The following NIN variants were observed in gnomAD, a reference collection of about 807,000 sequenced individuals.
NIN encodes the protein ninein, also known as glycogen synthase kinase 3 beta-interacting protein.
Under a neutral mutation model 257.6 loss-of-function variants are expected in NIN, and 137 were observed. The ratio of observed to expected loss-of-function variants is 0.53; its 90% confidence interval spans 0.46 to 0.61. The LOEUF is 0.61. Ranked by LOEUF, NIN falls within the 20% of genes least tolerant of loss-of-function variation. The pLI, the probability that NIN is intolerant of heterozygous loss-of-function variation, is 0.00. For synonymous variants in NIN, 918 were observed against 919.8 expected (o/e 1.00, Z 0.04); for missense variants, 2,439 against 2,501.2 (o/e 0.98, Z 0.53).
chr14:50,828,539 G>T (rs1416001072), intron 2 of NIN, among the ~76,000 whole-genome samples: 1 of 152,182 alleles, frequency 6.6e-6, no homozygotes, highest in African/African-American at 2.4e-5. Flanking sequence ...ATAATTTATT[G>T]GCTTACAAAT....
At chr14:50,810,816 A>G (rs1183175397) in intron 3 of NIN, among the ~76,000 whole-genome samples, 2 of 151,760 alleles carry the variant, frequency 1.3e-5, no homozygotes, top group South Asian at 4.2e-4. Flanking sequence ...GCCCACCACC[A>G]TGCCTGGCTA....
intron 28 of NIN, chr14:50,731,039 G>C (rs1230199070): frequency 3.6e-6 from 3 of 830,292 alleles, no homozygotes; most frequent in Admixed American, 4.6e-5. Flanking sequence ...ACAGGAGTTA[G>C]AGAAAAGTAT....
At chr14:50,777,366 G>A (rs936874741) in intron 6 of NIN, among the ~76,000 whole-genome samples, 6 of 152,172 alleles carry the variant, frequency 3.9e-5, no homozygotes, top group African/African-American at 1.4e-4. Context: ...TCATACCGGT[G>A]TAATAAATAT....
At chr14:50,830,111 G>T (rs146095893) in intron 2 of NIN, among the ~76,000 whole-genome samples, 2 of 152,186 alleles carry the variant, frequency 1.3e-5, no homozygotes, top group African/African-American at 4.8e-5. Flanking sequence ...ATTTCCCCAT[G>T]CAGTTTCCTC....
intron 5 of NIN, among the ~76,000 whole-genome samples, chr14:50,784,852 C>G (rs2043276271): frequency 6.6e-6 from 1 of 152,212 alleles, no homozygotes; most frequent in South Asian, 2.1e-4. Context: ...GGGGCCCCTC[C>G]CTGCAGACAG....
chr14:50,778,673 G>A (rs577973971), intron 6 of NIN, 92 bp downstream of exon 6: 3 of 1,075,510 alleles, frequency 2.8e-6, no homozygotes, highest in African/African-American at 3.1e-5. Flanking sequence ...TAATTCCCCT[G>A]GCCTGCAGCA....
intron 28 of NIN, among the ~76,000 whole-genome samples, chr14:50,734,133 A>G (rs1273814883): frequency 6.7e-6 from 1 of 148,420 alleles, no homozygotes. Context: ...ATTGTTGCCC[A>G]GGCTGGAGTG....
Position 50,757,134 on chromosome 14 carries a change from T to C in NIN, c.3896A>G (p.Glu1299Gly), listed in dbSNP as rs2042063528. The C allele has an allele frequency of 6.2e-7, 1 of 1,612,136 alleles. No homozygotes were observed. The highest frequency in any genetic ancestry group is 1.7e-5 in the Admixed American group (1 of 59,506). Residue 1299 changes from glutamate to glycine, a missense_variant, in exon 18 of 31, where the codon GAA becomes GGA. Coordinates refer to ENST00000530997, the MANE Select transcript of NIN (RefSeq NM_020921.4). Reference sequence around the variant, plus strand: ...CAGGCTGAGGAATGTTTCAGTGACTTCCTCCATTTTCTTCAGCTCATCCTG... The same window carrying C: ...CAGGCTGAGGAATGTTTCAGTGACTCCCTCCATTTTCTTCAGCTCATCCTG... ...RLQDELKKME[E>G]VTETFLSLEK...
At chr14:50,756,157 TA>T (rs34167631) in intron 18 of NIN, among the ~76,000 whole-genome samples, 25 of 147,630 alleles carry the variant, frequency 1.7e-4, no homozygotes, top group East Asian at 1.6e-3. Context: ...CTTAGCAAAA[TA>T]AAAAAAAAAA....
At position 50,726,048 on chromosome 14, in the gene NIN, C is replaced by A. The variant is rs1048847270; in HGVS notation, c.6097G>T (p.Val2033Leu). 15 of 1,612,846 alleles carry A rather than the reference C, an allele frequency of 9.3e-6. No homozygotes were observed. The Admixed American group carries it at 1.8e-4, about 20-fold the overall frequency. Residue 2033 changes from valine to leucine, a missense_variant, in exon 30 of 31, where the codon GTA becomes TTA. Transcript: ENST00000530997. ...ATCATTCGTTCCTCCATGACAGTTA[C>A]CAGTTGTTCCTGGTTTCCCTGAAGG... ...NTPQGNQEQL[V>L]TVMEERMIEV...
chr14:50,757,695 G>C lies in NIN; in HGVS notation c.3335C>G (p.Ala1112Gly), dbSNP rs755736906. The C allele has an allele frequency of 6.2e-7, 1 of 1,614,024 alleles. No individual in the cohort carries two copies. The highest frequency in any genetic ancestry group is 1.3e-5 in the African/African-American group (1 of 74,922). The change falls in exon 18 of 31, where the codon GCT (alanine) becomes GGT (glycine). Residue 1112 changes from alanine (A) to glycine (G), a missense_variant. Around this residue, in one of 3 missense-constraint regions of NIN, gnomAD observed 2,043 missense variants for 2,050.2 expected, o/e 1.00. Transcript: ENST00000530997. ...LVMSSCLDEP[A>G]TEFFGNTAEQ... ...CGCAGTATTTCCAAAAAACTCAGTA[G>C]CTGGCTCATCCAAACAAGAAGACAT...
chr14:50,739,536 T>C (rs575966486), intron 25 of NIN, 49 bp from the exon 26 acceptor site: 44 of 1,570,736 alleles, frequency 2.8e-5, no homozygotes, highest in Admixed American at 7.2e-5. Context: ...TATTGGGTAA[T>C]TGCTGTTTTG....
At chr14:50,728,334 T>C (rs142589336) in intron 29 of NIN, among the ~76,000 whole-genome samples, 2 of 152,308 alleles carry the variant, frequency 1.3e-5, no homozygotes, top group East Asian at 1.9e-4. Context: ...TGAAGAGGTA[T>C]GTATAAAGCT....
chr14:50,770,338 C>T (rs1282202459), intron 12 of NIN, 50 bp downstream of exon 12: 9 of 1,560,966 alleles, frequency 5.8e-6, no homozygotes, highest in Admixed American at 3.6e-5. Context: ...TAGTTTTCCA[C>T]GTGGTGTTCC....
intron 12 of NIN, among the ~76,000 whole-genome samples, chr14:50,769,416 C>G (rs763220974): frequency 4.3e-4 from 65 of 152,110 alleles, no homozygotes; most frequent in Non-Finnish European, 3.1e-4. Context: ...AGGCAAGGCA[C>G]ATTTGGAGGC....
chr14:50,802,486 G>A (rs991544077), intron 4 of NIN, among the ~76,000 whole-genome samples: 2 of 152,138 alleles, frequency 1.3e-5, no homozygotes, highest in Admixed American at 6.6e-5. Context: ...AATCCCATGA[G>A]AGCTTTGTTT....
chr14:50,721,805 C>G lies in NIN; in HGVS notation c.*1658G>C. On this transcript the variant is annotated 3_prime_UTR_variant, in exon 31 of 31. Transcript: ENST00000530997. Reference sequence around the variant, plus strand: ...CTCCCAGTCCCACAAAAAACAGTGCCTTGTCAAGGCTCTTGTAGTGAGGCC... The same window carrying G: ...CTCCCAGTCCCACAAAAAACAGTGCGTTGTCAAGGCTCTTGTAGTGAGGCC... The G allele has an allele frequency of 8.9e-6, 2 of 223,586 alleles. No homozygotes were observed. Among genetic ancestry groups the G allele is most frequent in the Non-Finnish European group, 1.8e-5 (2 of 111,966 alleles). The allele number at this position is 223,586 out of a possible 1,614,324, so 13.9% of individuals were successfully genotyped here.
intron 25 of NIN, among the ~76,000 whole-genome samples, chr14:50,739,808 G>A (rs1265561089): frequency 6.6e-6 from 1 of 152,170 alleles, no homozygotes; most frequent in African/African-American, 2.4e-5. Flanking sequence ...TGAGACTGGT[G>A]GCTTAAAAGT....
rs1346675625 is a variant in NIN at position 50,720,199 on chromosome 14, TGG to T, written c.*3262_*3263del. 4.5e-6 allele frequency: 1 copy of T among 222,922 alleles called. No individual in the cohort carries two copies. The highest frequency in any genetic ancestry group is 9.0e-6 in the Non-Finnish European group (1 of 111,646). 13.8% of individuals were successfully genotyped at this position (222,922 alleles called of 1,614,324 possible). ...TGCTTTGGTTAATTAGGCTTTGACT[TGG>T]TTTTTGGCATTACTTGTATAATTAT... On this transcript the variant is annotated 3_prime_UTR_variant, in exon 31 of 31. Coordinates refer to ENST00000530997, the MANE Select transcript of NIN (RefSeq NM_020921.4).
Sources: allele counts gnomAD v4.1 joint callset (sites outside exome capture counted in the v4.1 genomes callset), GRCh38; gene constraint gnomAD v4.1.1; regional missense constraint gnomAD v4.1.1; transcripts MANE v1.5; gene names NCBI Gene and HGNC (gene_info 2026-07-23, HGNC 2026-07-21).